PKIB: variants seen among roughly 807,000 people sequenced by gnomAD.
PKIB encodes the protein cAMP-dependent protein kinase inhibitor beta, also known as PKI-beta.
PKIB carries 2 observed loss-of-function variants against 4.5 expected under a neutral mutation model. The observed-to-expected ratio is 0.44, with a 90% confidence interval of 0.18 to 1.39. The LOEUF (loss-of-function observed/expected upper bound fraction) is 1.39. Among genes scored for constraint, PKIB ranks in the 40% most tolerant of loss-of-function variants. The pLI, the probability that PKIB is intolerant of heterozygous loss-of-function variation, is 0.27. For missense variants in PKIB, 94 were observed against 92.6 expected (o/e 1.02, Z -0.06); for synonymous variants, 38 against 36.0 (o/e 1.06, Z -0.20).
chr6:122,625,120 A>G (rs1037727428), intron 1 of PKIB, among the ~76,000 whole-genome samples: 1 of 152,230 alleles, frequency 6.6e-6, no homozygotes, highest in Non-Finnish European at 1.5e-5. Flanking sequence ...ACCTGATTTT[A>G]CCTTGCCTAT....
intron 2 of PKIB, among the ~76,000 whole-genome samples, chr6:122,555,080 T>C (rs1012421328): frequency 6.6e-6 from 1 of 152,118 alleles, no homozygotes; most frequent in African/African-American, 2.4e-5. Flanking sequence ...CACATATAAA[T>C]AGAGAAATAA....
intron 3 of PKIB, among the ~76,000 whole-genome samples, chr6:122,685,346 A>C (rs940283809): frequency 6.6e-5 from 10 of 152,210 alleles, no homozygotes; most frequent in African/African-American, 2.4e-4. Flanking sequence ...AATTAAAAGA[A>C]AGAGAAGAAT....
intron 2 of PKIB, among the ~76,000 whole-genome samples, chr6:122,557,632 A>G (rs1028707230): frequency 6.6e-6 from 1 of 152,204 alleles, no homozygotes; most frequent in African/African-American, 2.4e-5. Flanking sequence ...GGCCCTGGCA[A>G]TTAGGAGCAG....
chr6:122,634,385 A>G (rs1775828334), intron 2 of PKIB, among the ~76,000 whole-genome samples: 1 of 152,068 alleles, frequency 6.6e-6, no homozygotes, highest in Admixed American at 6.5e-5. Flanking sequence ...AAATAAATAA[A>G]TGTTATCAGC....
chr6:122,485,592 G>A (rs1775744002), intron 2 of PKIB, among the ~76,000 whole-genome samples: 1 of 152,144 alleles, frequency 6.6e-6, no homozygotes, highest in Non-Finnish European at 1.5e-5. Flanking sequence ...GGAAGCACAC[G>A]TGGTAAACAA....
chr6:122,542,656 C>A (rs112730339), intron 2 of PKIB, among the ~76,000 whole-genome samples: 3 of 152,194 alleles, frequency 2.0e-5, no homozygotes, highest in African/African-American at 7.2e-5. Context: ...TTAGGCTGCT[C>A]GGGGGTCAAG....
chr6:122,581,262 A>G (rs1377311935), intron 2 of PKIB, among the ~76,000 whole-genome samples: 1 of 152,188 alleles, frequency 6.6e-6, no homozygotes, highest in Non-Finnish European at 1.5e-5. Context: ...TTGGTATTGC[A>G]ATGTAAGATT....
At chr6:122,483,570 A>G (rs775812984) in intron 2 of PKIB, 27 of 152,262 alleles carry the variant, frequency 1.8e-4, no homozygotes, top group African/African-American at 4.3e-4. Context: ...TGCATGTAAC[A>G]TATACCCAGA....
intron 2 of PKIB, among the ~76,000 whole-genome samples, chr6:122,487,052 C>T (rs1775788797): frequency 6.6e-6 from 1 of 152,170 alleles, no homozygotes; most frequent in South Asian, 2.1e-4. Flanking sequence ...AAGCATTTTA[C>T]TGCATAACCA....
intron 3 of PKIB, among the ~76,000 whole-genome samples, chr6:122,599,442 G>C (rs1186324075): frequency 6.6e-6 from 1 of 152,066 alleles, no homozygotes; most frequent in Non-Finnish European, 1.5e-5. Context: ...TTCATTGCAG[G>C]TCAGCCACTC....
chr6:122,639,661 A>G (rs1776052630), intron 2 of PKIB, among the ~76,000 whole-genome samples: 1 of 152,196 alleles, frequency 6.6e-6, no homozygotes. Flanking sequence ...AAGATGCGCT[A>G]ACTTTCTTCA....
chr6:122,691,852 G>A (rs904372240), intron 3 of PKIB, among the ~76,000 whole-genome samples: 1 of 152,064 alleles, frequency 6.6e-6, no homozygotes, highest in Non-Finnish European at 1.5e-5. Flanking sequence ...GCCTTTTCAG[G>A]TATTTGAAAG....
intron 4 of PKIB, 34 bp from the exon 5 acceptor site, chr6:122,725,094 A>G: frequency 1.4e-6 from 2 of 1,442,040 alleles, no homozygotes; most frequent in African/African-American, 1.4e-5. Flanking sequence ...AAATTTCAAT[A>G]TATTCCACAT....
At chr6:122,534,174 T>C (rs960547829) in intron 2 of PKIB, among the ~76,000 whole-genome samples, 5 of 148,676 alleles carry the variant, frequency 3.4e-5, no homozygotes, top group African/African-American at 1.2e-4. Context: ...AATACTAACA[T>C]ATATAATATA....
At chr6:122,602,146 C>T (rs1046654710) in intron 3 of PKIB, among the ~76,000 whole-genome samples, 2 of 152,110 alleles carry the variant, frequency 1.3e-5, no homozygotes, top group African/African-American at 4.8e-5. Context: ...ACTCAAACCA[C>T]TGGAAATTAT....
At chr6:122,624,389 G>A (rs1214760174) in intron 1 of PKIB, among the ~76,000 whole-genome samples, 1 of 152,090 alleles carries the variant, frequency 6.6e-6, no homozygotes, top group African/African-American at 2.4e-5. Context: ...AATTCAGGGG[G>A]CATATTAGCA....
intron 3 of PKIB, among the ~76,000 whole-genome samples, chr6:122,592,368 C>A (rs188475508): frequency 2.0e-5 from 3 of 152,158 alleles, no homozygotes; most frequent in East Asian, 1.9e-4. Context: ...CTGTATGCAA[C>A]CTTTCCATCA....
intron 2 of PKIB, among the ~76,000 whole-genome samples, chr6:122,565,040 G>A (rs950324054): frequency 1.3e-5 from 2 of 152,112 alleles, no homozygotes; most frequent in Non-Finnish European, 2.9e-5. Flanking sequence ...AGACCTCAAT[G>A]GCTTACCCAT....
chr6:122,593,776 A>T (rs1158609139), intron 3 of PKIB, among the ~76,000 whole-genome samples: 1 of 152,204 alleles, frequency 6.6e-6, no homozygotes, highest in Admixed American at 6.5e-5. Context: ...AAGAACACAA[A>T]AGTTGTCAGG....
Sources: gnomAD v4.1 joint callset for allele counts (sites outside exome capture counted in the v4.1 genomes callset) on GRCh38, gnomAD v4.1.1 for gene constraint, MANE v1.5 for transcripts, NCBI Gene and HGNC (gene_info 2026-07-23, HGNC 2026-07-21) for gene names.